Variants in SGK1 observed in about 807,000 individuals in gnomAD.
The protein encoded by SGK1 is serine/threonine-protein kinase Sgk1.
Under a neutral mutation model 64.2 loss-of-function variants are expected in SGK1, and 26 were observed. That is an observed-to-expected ratio of 0.40 (90% CI 0.30 to 0.56). SGK1 has a LOEUF of 0.56. Ranked by LOEUF, SGK1 falls within the 20% of genes least tolerant of loss-of-function variation. The probability of loss-of-function intolerance (pLI) is 0.38; values close to 1 mark genes in which losing one functional copy is unlikely to be tolerated. For missense variants in SGK1, 519 were observed against 645.6 expected (o/e 0.80, Z 2.12); for synonymous variants, 265 against 239.7 (o/e 1.11, Z -0.98).
At chr6:134,305,386 A>G (rs867606546) in intron 1 of SGK1, among the ~76,000 whole-genome samples, 22 of 140,702 alleles carry the variant, frequency 1.6e-4, no homozygotes, top group African/African-American at 5.6e-4. Context: ...AAAAAAAAAA[A>G]GGGAAAGAAA....
At chr6:134,218,245 T>C (rs1776018727) in intron 2 of SGK1, among the ~76,000 whole-genome samples, 1 of 152,122 alleles carries the variant, frequency 6.6e-6, no homozygotes, top group African/African-American at 2.4e-5. Context: ...AAGATGTCAA[T>C]TGAGAACGGA....
intron 3 of SGK1, chr6:134,177,956 C>G: frequency 1.1e-6 from 1 of 870,796 alleles, no homozygotes; most frequent in South Asian, 1.8e-5. Flanking sequence ...TGCGACATCA[C>G]TCAGAAAATT....
chr6:134,262,471 C>G (rs1384066558), intron 1 of SGK1, among the ~76,000 whole-genome samples: 1 of 151,144 alleles, frequency 6.6e-6, no homozygotes, highest in Non-Finnish European at 1.5e-5. Flanking sequence ...GGGGGTTTCA[C>G]TCTGTTGCCC....
chr6:134,172,832 A>G, intron 8 of SGK1, 58 bp from the exon 9 acceptor site: 1 of 1,339,188 alleles, frequency 7.5e-7, no homozygotes, highest in Admixed American at 1.7e-5. Flanking sequence ...TAGTTTTGAC[A>G]TACACAGCAA....
chr6:134,271,176 G>T (rs111560222), intron 1 of SGK1, among the ~76,000 whole-genome samples: 19 of 133,060 alleles, frequency 1.4e-4, no homozygotes, highest in African/African-American at 4.8e-4. Context: ...AAAATTAGTC[G>T]GGCGCGGGGG....
chr6:134,276,789 C>T (rs118154733), intron 1 of SGK1, among the ~76,000 whole-genome samples: 1,862 of 152,264 alleles, frequency 0.012, 17 homozygotes, highest in South Asian at 0.021. Flanking sequence ...TGGTGGCTCA[C>T]ACCTATAATC....
chr6:134,226,529 A>G (rs1006303427), intron 2 of SGK1, among the ~76,000 whole-genome samples: 9 of 151,746 alleles, frequency 5.9e-5, no homozygotes, highest in Non-Finnish European at 1.3e-4. Flanking sequence ...TGTCTCTACA[A>G]AAAAAGTACA....
chr6:134,276,940 C>T (rs1020201500), intron 1 of SGK1, among the ~76,000 whole-genome samples: 3 of 152,156 alleles, frequency 2.0e-5, no homozygotes, highest in African/African-American at 7.2e-5. Flanking sequence ...ATCCCAGCTA[C>T]TCAGGATGCT....
chr6:134,284,011 T>C (rs1182648343), intron 1 of SGK1, among the ~76,000 whole-genome samples: 1 of 152,076 alleles, frequency 6.6e-6, no homozygotes, highest in Non-Finnish European at 1.5e-5. Flanking sequence ...TACAATTTTA[T>C]TTCCAGTTTG....
chr6:134,251,516 T>C (rs544651372), intron 2 of SGK1, among the ~76,000 whole-genome samples: 14 of 152,258 alleles, frequency 9.2e-5, no homozygotes, highest in African/African-American at 3.1e-4. Flanking sequence ...GCTAGAGATT[T>C]CCAGGAGAGG....
At chr6:134,209,420 C>T (rs546931583) in intron 2 of SGK1, among the ~76,000 whole-genome samples, 6 of 152,104 alleles carry the variant, frequency 3.9e-5, no homozygotes, top group Admixed American at 6.6e-5. Flanking sequence ...GACGACAAAG[C>T]GAGCCTCTGT....
At chr6:134,218,595 C>T (rs1422717954) in intron 2 of SGK1, 1 of 152,072 alleles carries the variant, frequency 6.6e-6, no homozygotes, top group Admixed American at 6.6e-5. Context: ...CCACGCCTGG[C>T]TAATTTTTGT....
chr6:134,245,173 A>T (rs1446743485), intron 2 of SGK1, among the ~76,000 whole-genome samples: 1 of 152,174 alleles, frequency 6.6e-6, no homozygotes, highest in African/African-American at 2.4e-5. Flanking sequence ...GAACTCCTGT[A>T]CTCAAGGGAT....
At chr6:134,254,127 T>TTTTAA (rs1562265566) in intron 2 of SGK1, among the ~76,000 whole-genome samples, 1 of 128,422 alleles carries the variant, frequency 7.8e-6, no homozygotes, top group African/African-American at 3.0e-5. Flanking sequence ...TTTTTTTTTT[T>TTTTAA]CAAAAAAAAA....
chr6:134,274,156 A>G (rs372813404), intron 1 of SGK1, among the ~76,000 whole-genome samples: 1 of 151,940 alleles, frequency 6.6e-6, no homozygotes, highest in Non-Finnish European at 1.5e-5. Flanking sequence ...GGTGCCTGCC[A>G]CCACACCCGG....
chr6:134,248,978 T>C (rs1776566192), intron 2 of SGK1, among the ~76,000 whole-genome samples: 1 of 152,164 alleles, frequency 6.6e-6, no homozygotes, highest in African/African-American at 2.4e-5. Context: ...ATAACCAAGA[T>C]TGTTCGTGGT....
intron 1 of SGK1, among the ~76,000 whole-genome samples, chr6:134,287,080 T>G (rs1777197322): frequency 1.3e-5 from 2 of 152,140 alleles, no homozygotes; most frequent in Non-Finnish European, 2.9e-5. Flanking sequence ...CAAGCAATTT[T>G]CTAGCCTCAG....
At chr6:134,219,477 T>C (rs921740496) in intron 2 of SGK1, among the ~76,000 whole-genome samples, 10 of 152,124 alleles carry the variant, frequency 6.6e-5, no homozygotes, top group Non-Finnish European at 1.3e-4. Context: ...AAACATATAA[T>C]TGGCCAGCCG....
chr6:134,292,517 C>T lies in SGK1; in HGVS notation c.69+24875G>A, dbSNP rs563109623. 3.9e-5 allele frequency among the ~76,000 whole-genome samples: 6 copies of T among 152,120 alleles called. No homozygotes were observed. The East Asian group carries it at 7.7e-4, about 20-fold the overall frequency. ...CTGACGCAGGAGAATAGCTTGAACCCAGGAGGCAGAGGCTGCAGTGAGCCG... is the reference window on the plus strand; with the variant it reads ...CTGACGCAGGAGAATAGCTTGAACCTAGGAGGCAGAGGCTGCAGTGAGCCG... On this transcript the variant is annotated intron_variant, in intron 1 of 13. Transcript: ENST00000367858.
Sources: gnomAD v4.1 joint callset for allele counts (sites outside exome capture counted in the v4.1 genomes callset) on GRCh38, gnomAD v4.1.1 for gene constraint, MANE v1.5 for transcripts, NCBI Gene and HGNC (gene_info 2026-07-23, HGNC 2026-07-21) for gene names.